CDH13: variants seen among roughly 807,000 people sequenced by gnomAD.
The protein encoded by CDH13 is cadherin-13.
CDH13 carries 24 observed loss-of-function variants against 63.8 expected under a neutral mutation model. The observed-to-expected ratio is 0.38, with a 90% CI of 0.27 to 0.53. The LOEUF (loss-of-function observed/expected upper bound fraction) is 0.53, where lower values mean the gene tolerates loss of function less well. Ranked by LOEUF, CDH13 falls within the 20% of genes least tolerant of loss-of-function variation. CDH13 has a pLI of 0.85. For missense variants in CDH13, 1,049 were observed against 903.1 expected, an observed-to-expected ratio of 1.16 and a Z score of -2.07; for synonymous variants, 503 against 355.3, an observed-to-expected ratio of 1.42 and a Z score of -4.67.
chr16:82,962,151 A>C (rs1907114148), intron 2 of CDH13, among the ~76,000 whole-genome samples: 1 of 152,218 alleles, frequency 6.6e-6, no homozygotes, highest in Non-Finnish European at 1.5e-5. Context: ...GAGATCAAAT[A>C]ATCCTGAATT....
Position 83,149,762 on chromosome 16 carries a change from C to T in CDH13, c.483+24261C>T, listed in dbSNP as rs567165821. 7.9e-5 allele frequency among the ~76,000 whole-genome samples: 12 copies of T among 152,158 alleles called. No individual in the cohort carries two copies. In the South Asian group the frequency reaches 8.3e-4, roughly 11 times the overall value. ...GCACTGGGGTGCTGGGGCTGGCTCACGGCATCTTGCACCAGCGGTACATAT... is the reference window on the plus strand; with the variant it reads ...GCACTGGGGTGCTGGGGCTGGCTCATGGCATCTTGCACCAGCGGTACATAT... On this transcript the variant is annotated intron_variant, in intron 4 of 13. Coordinates refer to ENST00000567109, the MANE Select transcript of CDH13 (RefSeq NM_001257.5).
chr16:82,727,156 G>A (rs2151029993), intron 1 of CDH13, among the ~76,000 whole-genome samples: 1 of 152,242 alleles, frequency 6.6e-6, no homozygotes, highest in Non-Finnish European at 1.5e-5. Context: ...TCAAATGACA[G>A]CAACAGAGCA....
intron 5 of CDH13, among the ~76,000 whole-genome samples, chr16:83,306,321 G>A (rs192620119): frequency 1.2e-3 from 183 of 152,310 alleles, no homozygotes; most frequent in African/African-American, 4.1e-3. Flanking sequence ...TGTCGGGAGC[G>A]GGGAGGCTAG....
At chr16:82,896,276 A>ATTTTTGTTTTTTTTTTTT in intron 2 of CDH13, among the ~76,000 whole-genome samples, 1 of 87,816 alleles carries the variant, frequency 1.1e-5, no homozygotes, top group Non-Finnish European at 2.2e-5. Context: ...TAGGATTAGG[A>ATTTTTGTTTTTTTTTTTT]TTTTTTTTTT....
chr16:83,308,795 A>G (rs1007759062), intron 5 of CDH13, among the ~76,000 whole-genome samples: 6 of 152,244 alleles, frequency 3.9e-5, no homozygotes, highest in African/African-American at 1.4e-4. Context: ...CTGGAAACAT[A>G]TGCCCAAGAG....
intron 4 of CDH13, among the ~76,000 whole-genome samples, chr16:83,137,612 C>T (rs1440862953): frequency 6.6e-6 from 1 of 152,042 alleles, no homozygotes; most frequent in Admixed American, 6.6e-5. Flanking sequence ...AAGAGAGCCA[C>T]AAGGAATGAA....
At chr16:83,136,623 G>A (rs954828861) in intron 4 of CDH13, among the ~76,000 whole-genome samples, 4 of 152,138 alleles carry the variant, frequency 2.6e-5, no homozygotes, top group African/African-American at 9.7e-5. Flanking sequence ...GGAGAAACTG[G>A]GCTCTCATAG....
chr16:83,745,710 C>A (rs1466313468), intron 10 of CDH13, among the ~76,000 whole-genome samples: 2 of 152,164 alleles, frequency 1.3e-5, no homozygotes, highest in African/African-American at 4.8e-5. Context: ...CCCATTGCAG[C>A]CCCCAAGATG....
chr16:83,461,935 G>A lies in CDH13; in HGVS notation c.782-24542G>A, dbSNP rs75389760. ...TGTAAGGTATGAGCTCAGGTCCCTG[G>A]ATGTGTTTAGGCAAAGGCTGTACAC... On this transcript the variant is annotated intron_variant, in intron 6 of 13. Transcript: ENST00000567109. 4.2e-3 allele frequency among the ~76,000 whole-genome samples: 644 copies of A among 152,334 alleles called. 7 individuals carry two copies. The highest frequency in any genetic ancestry group is 0.015 in the African/African-American group (628 of 41,572).
intron 2 of CDH13, among the ~76,000 whole-genome samples, chr16:82,874,639 G>A (rs2040446760): frequency 6.6e-6 from 1 of 152,086 alleles, no homozygotes; most frequent in South Asian, 2.1e-4. Context: ...AGAGGAAGGG[G>A]GGATTCCAAA....
At chr16:83,644,497 C>G (rs972879275) in intron 8 of CDH13, among the ~76,000 whole-genome samples, 33 of 152,196 alleles carry the variant, frequency 2.2e-4, no homozygotes, top group Non-Finnish European at 2.4e-4. Context: ...AGCAAAATGC[C>G]TGGCCCAAAA....
At chr16:82,662,329 G>A (rs548195516) in intron 1 of CDH13, among the ~76,000 whole-genome samples, 9 of 150,136 alleles carry the variant, frequency 6.0e-5, no homozygotes, top group East Asian at 1.9e-4. Context: ...TTGAGGAGGC[G>A]GGGGTAGATG....
intron 3 of CDH13, among the ~76,000 whole-genome samples, chr16:83,092,609 T>C (rs2033972506): frequency 6.6e-6 from 1 of 152,248 alleles, no homozygotes; most frequent in South Asian, 2.1e-4. Context: ...TCTTCTTTTA[T>C]TACTACTTCT....
chr16:82,928,698 T>G (rs1338611349), intron 2 of CDH13, among the ~76,000 whole-genome samples: 1 of 152,246 alleles, frequency 6.6e-6, no homozygotes, highest in African/African-American at 2.4e-5. Context: ...ATTTACAGAT[T>G]TGAATGGATA....
intron 6 of CDH13, among the ~76,000 whole-genome samples, chr16:83,393,617 CT>C (rs1286947982): frequency 1.3e-5 from 2 of 152,170 alleles, no homozygotes. Context: ...TATGGCTCTA[CT>C]GAAAGAATGA....
At chr16:82,681,240 C>T (rs1242111533) in intron 1 of CDH13, among the ~76,000 whole-genome samples, 1 of 152,184 alleles carries the variant, frequency 6.6e-6, no homozygotes, top group East Asian at 1.9e-4. Context: ...AAACCTGATG[C>T]CGGTGGCAAC....
At chr16:82,928,164 ATGTG>A (rs5818417) in intron 2 of CDH13, among the ~76,000 whole-genome samples, 1 of 150,922 alleles carries the variant, frequency 6.6e-6, no homozygotes, top group African/African-American at 2.4e-5. Context: ...GCAGTCGTGT[ATGTG>A]TGTGTGTGTG....
intron 1 of CDH13, among the ~76,000 whole-genome samples, chr16:82,658,342 T>G (rs1184730865): frequency 1.3e-5 from 2 of 152,216 alleles, no homozygotes; most frequent in African/African-American, 4.8e-5. Flanking sequence ...AATAGTTGAT[T>G]TGACTCCTTT....
At chr16:83,342,249 C>G (rs566365807) in intron 5 of CDH13, among the ~76,000 whole-genome samples, 1 of 152,284 alleles carries the variant, frequency 6.6e-6, no homozygotes, top group African/African-American at 2.4e-5. Context: ...AAACCTGTCT[C>G]ATATCCTTCA....
Sources: allele counts gnomAD v4.1 joint callset (sites outside exome capture counted in the v4.1 genomes callset), GRCh38; gene constraint gnomAD v4.1.1; transcripts MANE v1.5; gene names NCBI Gene and HGNC (gene_info 2026-07-23, HGNC 2026-07-21).